Variants in AKAP6 observed in about 807,000 individuals in gnomAD.
AKAP6 encodes A-kinase anchor protein 6.
A neutral mutation model predicts 188.5 loss-of-function variants in AKAP6; 58 were observed. That is an observed-to-expected ratio of 0.31 (90% confidence interval 0.25 to 0.38). The LOEUF is 0.38. Among genes scored for constraint, AKAP6 ranks in the 10% least tolerant of loss-of-function variants. The pLI is 1.00. For missense variants in AKAP6, 2,710 were observed against 2,740.0 expected, an observed-to-expected ratio of 0.99 and a Z score of 0.24; for synonymous variants, 989 against 998.6, an observed-to-expected ratio of 0.99 and a Z score of 0.18.
At chr14:32,513,584 C>T (rs1438883502) in intron 2 of AKAP6, among the ~76,000 whole-genome samples, 1 of 152,116 alleles carries the variant, frequency 6.6e-6, no homozygotes, top group African/African-American at 2.4e-5. Context: ...ACTTTGTATC[C>T]TTCTTGTGCA....
intron 2 of AKAP6, among the ~76,000 whole-genome samples, chr14:32,437,670 C>T (rs981424183): frequency 6.6e-6 from 1 of 152,038 alleles, no homozygotes; most frequent in Non-Finnish European, 1.5e-5. Context: ...AATCTGGGCT[C>T]ACTGCAACCT....
intron 2 of AKAP6, among the ~76,000 whole-genome samples, chr14:32,521,367 T>G (rs1384202143): frequency 6.6e-6 from 1 of 151,992 alleles, no homozygotes; most frequent in Non-Finnish European, 1.5e-5. Context: ...AAATAAAGGG[T>G]ATTCAATTAG....
chr14:32,597,447 T>A (rs1885751118), intron 5 of AKAP6, among the ~76,000 whole-genome samples: 1 of 152,206 alleles, frequency 6.6e-6, no homozygotes, highest in Non-Finnish European at 1.5e-5. Flanking sequence ...CACATGTATC[T>A]CATTCTGCAT....
At chr14:32,731,162 GT>G (rs1398218505) in intron 9 of AKAP6, among the ~76,000 whole-genome samples, 1 of 152,158 alleles carries the variant, frequency 6.6e-6, no homozygotes, top group African/African-American at 2.4e-5. Context: ...ATTTGGAGAA[GT>G]TTACATAATA....
intron 7 of AKAP6, among the ~76,000 whole-genome samples, chr14:32,647,820 T>G (rs1888046490): frequency 6.6e-6 from 1 of 152,034 alleles, no homozygotes; most frequent in African/African-American, 2.4e-5. Flanking sequence ...AAATATGCCT[T>G]GTTATTCAGA....
rs1225783679 is a variant in AKAP6 at position 32,568,464 on chromosome 14, A to G, written c.2347-8656A>G. 5.9e-5 allele frequency among the ~76,000 whole-genome samples: 9 copies of G among 152,168 alleles called. No individual in the cohort carries two copies. Among genetic ancestry groups the G allele is most frequent in the African/African-American group, 2.2e-4 (9 of 41,452 alleles). ...TAAATATTGTTAATTATAATACTAG[A>G]TATGAAAAACCTACAATTAAACCAT... On this transcript the variant is annotated intron_variant, in intron 4 of 13. Coordinates refer to ENST00000280979, the MANE Select transcript of AKAP6 (RefSeq NM_004274.5). This position sits in a 1 kb window ranked among gnomAD's most constrained non-coding sequence, Gnocchi z 6.2.
intron 12 of AKAP6, among the ~76,000 whole-genome samples, chr14:32,775,465 C>T (rs2033030095): frequency 6.8e-6 from 1 of 147,278 alleles, no homozygotes; most frequent in South Asian, 2.2e-4. Context: ...TGGAGTCTTT[C>T]TCTATCTCCC....
chr14:32,779,985 C>T (rs747594007), intron 12 of AKAP6, among the ~76,000 whole-genome samples: 11 of 151,860 alleles, frequency 7.2e-5, no homozygotes, highest in Non-Finnish European at 1.2e-4. Flanking sequence ...AATAGAACTA[C>T]CGTATGACCC....
intron 9 of AKAP6, among the ~76,000 whole-genome samples, chr14:32,719,392 C>T (rs542823179): frequency 4.1e-4 from 62 of 152,286 alleles, no homozygotes; most frequent in South Asian, 1.7e-3. Context: ...GGCGATAATA[C>T]ATTCAGCCTT....
At chr14:32,537,941 C>T (rs954781568) in intron 3 of AKAP6, among the ~76,000 whole-genome samples, 4 of 152,198 alleles carry the variant, frequency 2.6e-5, no homozygotes, top group Non-Finnish European at 5.9e-5. Flanking sequence ...AACACGAACT[C>T]AGCAATTATG....
At chr14:32,692,684 G>A (rs1890231610) in intron 8 of AKAP6, among the ~76,000 whole-genome samples, 1 of 152,112 alleles carries the variant, frequency 6.6e-6, no homozygotes, top group African/African-American at 2.4e-5. Flanking sequence ...TCTTTATCTA[G>A]ATTCATTTAT....
chr14:32,623,096 G>C (rs1169174328), intron 7 of AKAP6, among the ~76,000 whole-genome samples: 1 of 151,978 alleles, frequency 6.6e-6, no homozygotes, highest in Non-Finnish European at 1.5e-5. Flanking sequence ...CTAAAATACT[G>C]GTCCTATAGA....
chr14:32,827,348 TG>T (rs1384029533), intron 13 of AKAP6, among the ~76,000 whole-genome samples: 2 of 151,574 alleles, frequency 1.3e-5, no homozygotes, highest in African/African-American at 4.8e-5. Context: ...TCCATTTGCT[TG>T]GTTTTTTTTT....
At chr14:32,547,494 T>C (rs1883253672) in intron 4 of AKAP6, among the ~76,000 whole-genome samples, 2 of 152,204 alleles carry the variant, frequency 1.3e-5, no homozygotes, top group Non-Finnish European at 2.9e-5. Context: ...TTCTTTACTC[T>C]TCCTCCTCTT....
At chr14:32,805,215 C>T (rs753648608) in intron 12 of AKAP6, among the ~76,000 whole-genome samples, 12 of 152,172 alleles carry the variant, frequency 7.9e-5, no homozygotes, top group Non-Finnish European at 1.5e-4. Flanking sequence ...TCCTCTGCCA[C>T]GGCTCCTGCC....
chr14:32,565,676 T>C (rs1397839916), intron 4 of AKAP6, among the ~76,000 whole-genome samples: 5 of 152,188 alleles, frequency 3.3e-5, no homozygotes, highest in Admixed American at 3.3e-4. Flanking sequence ...TAATGACCAT[T>C]CCATTGTCTT....
intron 1 of AKAP6, among the ~76,000 whole-genome samples, chr14:32,406,667 C>T (rs1443357938): frequency 5.9e-5 from 9 of 152,050 alleles, no homozygotes; most frequent in Admixed American, 5.9e-4. Context: ...CAATTCTCCA[C>T]AAACAATTCA....
chr14:32,798,465 A>G (rs1307287399), intron 12 of AKAP6, among the ~76,000 whole-genome samples: 2 of 152,222 alleles, frequency 1.3e-5, no homozygotes, highest in Admixed American at 6.5e-5. Context: ...AAGACATGGA[A>G]TCAACCTGAA....
At chr14:32,509,188 G>C (rs964723403) in intron 2 of AKAP6, among the ~76,000 whole-genome samples, 1 of 140,376 alleles carries the variant, frequency 7.1e-6, no homozygotes, top group Non-Finnish European at 1.5e-5. Context: ...GCAGTGGCGC[G>C]ATCTCGGCTC....
Sources: allele counts gnomAD v4.1 joint callset (sites outside exome capture counted in the v4.1 genomes callset), GRCh38; gene constraint gnomAD v4.1.1; non-coding constraint Gnocchi (gnomAD v3.1); transcripts MANE v1.5; gene names NCBI Gene and HGNC (gene_info 2026-07-23, HGNC 2026-07-21).